The following MGAT4C variants were observed in gnomAD, a reference collection of about 807,000 sequenced individuals.
The protein encoded by MGAT4C is alpha-1,3-mannosyl-glycoprotein 4-beta-N-acetylglucosaminyltransferase C.
MGAT4C carries 19 observed loss-of-function variants against 40.1 expected under a neutral mutation model. That is an observed-to-expected ratio of 0.47 (90% CI 0.33 to 0.70). The LOEUF (loss-of-function observed/expected upper bound fraction) is 0.70. MGAT4C is among the 30% of genes least tolerant of loss of function. The pLI is 0.02. For synonymous variants in MGAT4C, 181 were observed against 187.1 expected (o/e 0.97, Z 0.27); for missense variants, 491 against 563.2 (o/e 0.87, Z 1.30).
chr12:86,383,257 T>C (rs1955981615), intron 3 of MGAT4C, among the ~76,000 whole-genome samples: 1 of 152,040 alleles, frequency 6.6e-6, no homozygotes, highest in Non-Finnish European at 1.5e-5. Flanking sequence ...AGCTTGAAGA[T>C]TTGACTGCCC....
chr12:86,008,585 T>C (rs1261758632), intron 2 of MGAT4C, among the ~76,000 whole-genome samples: 1 of 152,108 alleles, frequency 6.6e-6, no homozygotes, highest in Non-Finnish European at 1.5e-5. Context: ...CAACATTTTG[T>C]TGCTGTTATT....
chr12:86,670,200 G>C (rs1964218453), intron 2 of MGAT4C, among the ~76,000 whole-genome samples: 1 of 152,072 alleles, frequency 6.6e-6, no homozygotes, highest in Non-Finnish European at 1.5e-5. Context: ...TCCAGTAATG[G>C]TCCATAACCA....
chr12:86,615,431 A>T (rs1245398612), intron 2 of MGAT4C, among the ~76,000 whole-genome samples: 1 of 152,036 alleles, frequency 6.6e-6, no homozygotes, highest in Non-Finnish European at 1.5e-5. Flanking sequence ...GAAACAGCAA[A>T]TATCTCTGAG....
At chr12:86,494,174 G>A (rs1190590853) in intron 2 of MGAT4C, among the ~76,000 whole-genome samples, 3 of 151,606 alleles carry the variant, frequency 2.0e-5, no homozygotes, top group Non-Finnish European at 2.9e-5. Context: ...TATTCTTTCA[G>A]AAAGCTTGCA....
chr12:86,570,701 AG>A (rs1960326280), intron 2 of MGAT4C, among the ~76,000 whole-genome samples: 1 of 152,194 alleles, frequency 6.6e-6, no homozygotes, highest in African/African-American at 2.4e-5. Context: ...TTTATGACTA[AG>A]ACATCAGATT....
At chr12:86,353,782 C>T (rs2136194131) in intron 3 of MGAT4C, among the ~76,000 whole-genome samples, 1 of 152,124 alleles carries the variant, frequency 6.6e-6, no homozygotes, top group Non-Finnish European at 1.5e-5. Context: ...GGAAGCAATC[C>T]CTTTCCCTCT....
At chr12:86,745,318 C>T (rs1467859192) in intron 1 of MGAT4C, among the ~76,000 whole-genome samples, 1 of 151,470 alleles carries the variant, frequency 6.6e-6, no homozygotes, top group Non-Finnish European at 1.5e-5. Context: ...TGAAGGAGTT[C>T]GCATCTGGAG....
chr12:86,497,904 A>G (rs1000466162), intron 2 of MGAT4C, among the ~76,000 whole-genome samples: 14 of 143,226 alleles, frequency 9.8e-5, no homozygotes, highest in African/African-American at 3.3e-4. Flanking sequence ...ATATATATAT[A>G]TATATATATA....
chr12:86,614,686 GA>G (rs1269187761), intron 2 of MGAT4C, among the ~76,000 whole-genome samples: 1 of 151,524 alleles, frequency 6.6e-6, no homozygotes, highest in East Asian at 1.9e-4. Context: ...AGTTAATTAG[GA>G]AAAGGTAAAC....
chr12:86,444,447 C>A (rs796247654), intron 2 of MGAT4C, among the ~76,000 whole-genome samples: 13 of 152,158 alleles, frequency 8.5e-5, no homozygotes, highest in Admixed American at 3.3e-4. Context: ...CTGTTGACTA[C>A]CAAATTTAGG....
rs533402891 is a variant in MGAT4C, at chr12:85,999,992, T to C, written c.-6-10440A>G. On this transcript the variant is annotated intron_variant, in intron 2 of 4. Transcript: ENST00000611864. ...TAACAAAGCAGTGTATATTTCAAGATATCCTGAAGAGAAGATTTGGAATGT... is the reference window on the plus strand; with the variant it reads ...TAACAAAGCAGTGTATATTTCAAGACATCCTGAAGAGAAGATTTGGAATGT... Among the ~76,000 whole-genome samples the C allele has an allele frequency of 2.0e-5, 3 of 152,252 alleles. No individual in the cohort carries two copies. In the South Asian group the frequency reaches 6.2e-4, roughly 32 times the overall value.
chr12:86,771,129 A>G (rs1296475382), intron 1 of MGAT4C, among the ~76,000 whole-genome samples: 1 of 152,160 alleles, frequency 6.6e-6, no homozygotes, highest in Non-Finnish European at 1.5e-5. Context: ...AGCCATATTC[A>G]AGCTAAGGAA....
chr12:86,591,060 T>C (rs567360504), intron 2 of MGAT4C, among the ~76,000 whole-genome samples: 59 of 152,152 alleles, frequency 3.9e-4, no homozygotes, highest in Non-Finnish European at 7.9e-4. Flanking sequence ...TAGCTGTGCA[T>C]AATCCTTTCA....
chr12:85,980,158 T>A lies in MGAT4C; in HGVS notation c.568A>T (p.Asn190Tyr). Residue 190 changes from asparagine to tyrosine, a missense_variant, in exon 5 of 5, where the codon AAT becomes TAT. Coordinates refer to ENST00000611864, the MANE Select transcript of MGAT4C (RefSeq NM_001351288.2). Reference sequence around the variant, plus strand: ...AATTTGACTCTATCTTCTGGATCATTGTAATTTCTTTTAAGGCCATCTAGG... The same window carrying A: ...AATTTGACTCTATCTTCTGGATCATAGTAATTTCTTTTAAGGCCATCTAGG... The part of the protein sequence containing the change: ...PILDGLKRNY[N>Y]DPEDRVKFRS... 1 of 1,614,026 alleles carries A rather than the reference T, an allele frequency of 6.2e-7. No individual in the cohort carries two copies. Among genetic ancestry groups the A allele is most frequent in the Non-Finnish European group, 8.5e-7 (1 of 1,179,918 alleles).
chr12:86,630,238 C>A (rs1384531967), intron 2 of MGAT4C, among the ~76,000 whole-genome samples: 2 of 152,016 alleles, frequency 1.3e-5, no homozygotes, highest in Admixed American at 6.6e-5. Flanking sequence ...CAATAACAGG[C>A]TCTGAAATTG....
intron 2 of MGAT4C, among the ~76,000 whole-genome samples, chr12:86,570,781 AC>A (rs979761249): frequency 6.6e-6 from 1 of 151,968 alleles, no homozygotes; most frequent in South Asian, 2.1e-4. Context: ...TCCATCTATT[AC>A]CCCCATGTTA....
chr12:86,576,208 C>T (rs1013617087), intron 2 of MGAT4C, among the ~76,000 whole-genome samples: 1 of 151,528 alleles, frequency 6.6e-6, no homozygotes, highest in Non-Finnish European at 1.5e-5. Flanking sequence ...TTTGTTTGAG[C>T]TTCTTATATA....
intron 1 of MGAT4C, among the ~76,000 whole-genome samples, chr12:86,200,177 C>T (rs1949998222): frequency 5.6e-5 from 4 of 71,994 alleles, no homozygotes; most frequent in South Asian, 4.6e-4. Context: ...TTTGGTCTGG[C>T]TTTTGTTTTT....
rs1278526683 is a variant in MGAT4C at position 86,548,767 on chromosome 12, TAAA to T, written c.-228-113505_-228-113503del. On this transcript the variant is annotated intron_variant, in intron 2 of 7. Coordinates refer to the MGAT4C transcript ENST00000548651. ...TAGTCTCTTTATCTGTAAAATGTAA[TAAA>T]AACTACTCATACATATTTTGTGAAG... Among the ~76,000 whole-genome samples the T allele has an allele frequency of 5.9e-5, 9 of 152,302 alleles. No homozygotes were observed. The East Asian group carries it at 1.4e-3, about 23-fold the overall frequency.
Sources: allele counts gnomAD v4.1 joint callset (sites outside exome capture counted in the v4.1 genomes callset), GRCh38; gene constraint gnomAD v4.1.1; transcripts MANE v1.5; gene names NCBI Gene and HGNC (gene_info 2026-07-23, HGNC 2026-07-21).